Variants in SMURF2 observed in about 807,000 individuals in gnomAD.
The protein encoded by SMURF2 is SMAD specific E3 ubiquitin protein ligase 2.
SMURF2 carries 48 observed loss-of-function variants against 109.6 expected under a neutral mutation model. That is an observed-to-expected ratio of 0.44 (90% CI 0.35 to 0.56). The LOEUF (loss-of-function observed/expected upper bound fraction) is 0.56, where lower values mean the gene tolerates loss of function less well. SMURF2 is among the 20% of genes least tolerant of loss of function. The probability of loss-of-function intolerance (pLI) is 0.01; values close to 1 mark genes in which losing one functional copy is unlikely to be tolerated. For synonymous variants in SMURF2, 288 were observed against 317.1 expected, an observed-to-expected ratio of 0.91 and a Z score of 0.97; for missense variants, 575 against 909.0, an observed-to-expected ratio of 0.63 and a Z score of 4.72.
intron 1 of SMURF2, 57 bp from the exon 2 acceptor site, chr17:64,606,697 T>C (rs1049480850): frequency 1.6e-6 from 2 of 1,263,260 alleles, no homozygotes; most frequent in African/African-American, 1.5e-5. Flanking sequence ...AAGAGTGTAC[T>C]GTTACATTTT....
At chr17:64,651,752 A>G (rs1970643305) in intron 1 of SMURF2, among the ~76,000 whole-genome samples, 1 of 151,900 alleles carries the variant, frequency 6.6e-6, no homozygotes, top group Non-Finnish European at 1.5e-5. Context: ...GTGAGGCCCC[A>G]TGTCTACAAA....
chr17:64,582,608 T>C (rs1969592982), intron 7 of SMURF2, among the ~76,000 whole-genome samples: 1 of 152,212 alleles, frequency 6.6e-6, no homozygotes, highest in Non-Finnish European at 1.5e-5. Flanking sequence ...TTTTATTTGT[T>C]TTATTTTTGA....
chr17:64,551,738 ATG>A, intron 15 of SMURF2, 34 bp from the exon 16 acceptor site: 3 of 1,610,408 alleles, frequency 1.9e-6, no homozygotes, highest in Non-Finnish European at 2.5e-6. Flanking sequence ...GTATAATCAC[ATG>A]TATTTTCAGA....
chr17:64,559,234 T>C (rs1362782395), intron 12 of SMURF2, among the ~76,000 whole-genome samples: 1 of 152,084 alleles, frequency 6.6e-6, no homozygotes, highest in Non-Finnish European at 1.5e-5. Context: ...GGAATAAAGT[T>C]CAGAAAAAGC....
In SMURF2 at chr17:64,545,108, C is replaced by T. The variant is rs1193765247; in HGVS notation, c.*740G>A. On this transcript the variant is annotated 3_prime_UTR_variant, in exon 19 of 19. Transcript: ENST00000262435. ...AAGAGTCTCTTAAAAACAGGGAGCC[C>T]CTGAACACATCTTATTGTCACAAAT... 2 of 151,710 alleles carry T rather than the reference C, an allele frequency of 1.3e-5. No individual in the cohort carries two copies. Among genetic ancestry groups the T allele is most frequent in the Middle Eastern group, 3.4e-3 (1 of 292 alleles). 9.4% of individuals were successfully genotyped at this position (151,710 alleles called of 1,614,324 possible). A position where few individuals can be genotyped will look rare whatever the true frequency, so the allele number is the denominator to read the frequency against.
chr17:64,595,353 A>C (rs9913177), intron 3 of SMURF2, among the ~76,000 whole-genome samples: 2 of 152,204 alleles, frequency 1.3e-5, no homozygotes, highest in African/African-American at 4.8e-5. Flanking sequence ...ACCTTTTCTT[A>C]TACATAGAGA....
In SMURF2 at chr17:64,576,079, C is replaced by T. The variant is rs553609208; in HGVS notation, c.857+2413G>A. On this transcript the variant is annotated intron_variant, in intron 9 of 18. Transcript: ENST00000262435. ...AATTAGCGGGGTATTGTGGCGCATG[C>T]CTGTAGTCCCAGCTATTCAGGAGGC... 3.3e-5 allele frequency among the ~76,000 whole-genome samples: 5 copies of T among 151,922 alleles called. No individual in the cohort carries two copies. The South Asian group carries it at 1.0e-3, about 32-fold the overall frequency.
At chr17:64,647,179 T>G (rs568053543) in intron 1 of SMURF2, among the ~76,000 whole-genome samples, 1 of 152,078 alleles carries the variant, frequency 6.6e-6, no homozygotes, top group African/African-American at 2.4e-5. Context: ...TGAATGAATA[T>G]GTAAATATGA....
At position 64,661,859 on chromosome 17, in the gene SMURF2, T is replaced by C. The variant is rs1408307619; in HGVS notation, c.22A>G (p.Arg8Gly). ...AGGCGCAGCTTGACGGGCCCGTTCC[T>C]CCGGCCTCCGGGGTTAGACATGTCC... The part of the protein sequence containing the change: MSNPGGR[R>G]NGPVKLRLTV... The change falls in exon 1 of 19, where the codon AGG becomes GGG. Residue 8 changes from arginine to glycine, a missense_variant. Around this residue, in one of 5 missense-constraint regions of SMURF2, gnomAD observed 30 missense variants for 34.5 expected, o/e 0.87. Coordinates refer to ENST00000262435, the MANE Select transcript of SMURF2 (RefSeq NM_022739.4). 3.3e-6 allele frequency: 4 copies of C among 1,214,954 alleles called. No individual in the cohort carries two copies. Among genetic ancestry groups the C allele is most frequent in the Non-Finnish European group, 3.1e-6 (3 of 977,518 alleles). 75.3% of individuals were successfully genotyped at this position (1,214,954 alleles called of 1,614,324 possible).
At chr17:64,636,487 C>T (rs986398485) in intron 1 of SMURF2, among the ~76,000 whole-genome samples, 4 of 151,596 alleles carry the variant, frequency 2.6e-5, no homozygotes, top group Non-Finnish European at 4.4e-5. Flanking sequence ...CCTGTAATCC[C>T]GGCTACGCGG....
At chr17:64,587,686 G>C (rs782116475) in intron 5 of SMURF2, among the ~76,000 whole-genome samples, 3 of 152,112 alleles carry the variant, frequency 2.0e-5, no homozygotes, top group Non-Finnish European at 4.4e-5. Flanking sequence ...TCAACACAGA[G>C]CTCCTTGATA....
chr17:64,656,294 T>C (rs1460648013), intron 1 of SMURF2, among the ~76,000 whole-genome samples: 1 of 152,116 alleles, frequency 6.6e-6, no homozygotes, highest in East Asian at 1.9e-4. Context: ...TTGTAGCAAA[T>C]ATGACAACAG....
chr17:64,592,328 T>C (rs1482624024), intron 4 of SMURF2, among the ~76,000 whole-genome samples: 1 of 152,220 alleles, frequency 6.6e-6, no homozygotes, highest in Admixed American at 6.5e-5. Flanking sequence ...CAGTTTACTT[T>C]TATATGCAAT....
Position 64,551,571 on chromosome 17 carries a change from C to T in SMURF2, c.1869+13G>A. On this transcript the variant is annotated intron_variant, in intron 16 of 18. Coordinates refer to ENST00000262435, the MANE Select transcript of SMURF2 (RefSeq NM_022739.4). The stretch of plus-strand genomic sequence containing the variant: ...TTGTTACACTAGTGATGTTATAATA[C>T]TAATGCACTAACCTCTAACTCCTTC... 2 of 1,613,076 alleles carry T rather than the reference C, an allele frequency of 1.2e-6. No homozygotes were observed. Among genetic ancestry groups the T allele is most frequent in the Non-Finnish European group, 1.7e-6 (2 of 1,179,392 alleles).
chr17:64,615,245 T>C (rs1970105768), intron 1 of SMURF2, among the ~76,000 whole-genome samples: 1 of 152,140 alleles, frequency 6.6e-6, no homozygotes, highest in African/African-American at 2.4e-5. Flanking sequence ...ACACTGCTGA[T>C]TGGAATGAGA....
At chr17:64,655,009 C>A (rs901635817) in intron 1 of SMURF2, among the ~76,000 whole-genome samples, 13 of 151,920 alleles carry the variant, frequency 8.6e-5, no homozygotes, top group African/African-American at 2.9e-4. Context: ...ATACATATAA[C>A]TGCATTCCTA....
At chr17:64,617,541 C>T (rs1460344232) in intron 1 of SMURF2, among the ~76,000 whole-genome samples, 18 of 152,168 alleles carry the variant, frequency 1.2e-4, no homozygotes, top group Admixed American at 9.8e-4. Context: ...AATGGAGTGG[C>T]GCAAACACGA....
intron 10 of SMURF2, among the ~76,000 whole-genome samples, chr17:64,565,639 T>C (rs73993985): frequency 0.039 from 5,908 of 151,336 alleles, 405 homozygotes; most frequent in African/African-American, 0.14. Flanking sequence ...ATAGTCAGAC[T>C]GGGTGGATTC....
chr17:64,561,658 C>G (rs1555684530), intron 11 of SMURF2, 55 bp from the exon 12 acceptor site: 12 of 1,322,164 alleles, frequency 9.1e-6, no homozygotes. Context: ...TAGCCTATTA[C>G]TTAATCTCTC....
Sources: gnomAD v4.1 joint callset for allele counts (sites outside exome capture counted in the v4.1 genomes callset) on GRCh38, gnomAD v4.1.1 for gene constraint, gnomAD v4.1.1 regional missense constraint, MANE v1.5 for transcripts, NCBI Gene and HGNC (gene_info 2026-07-23, HGNC 2026-07-21) for gene names.